The following PDXDC1 variants were observed in gnomAD, a reference collection of about 807,000 sequenced individuals.
PDXDC1 encodes pyridoxal dependent decarboxylase domain containing 1.
Under a neutral mutation model 100.1 loss-of-function variants are expected in PDXDC1, and 42 were observed. The ratio of observed to expected loss-of-function variants is 0.42; its 90% CI spans 0.33 to 0.54. The LOEUF (loss-of-function observed/expected upper bound fraction) is 0.54. Ranked by LOEUF, PDXDC1 falls within the 20% of genes least tolerant of loss-of-function variation. The pLI is 0.10. For missense variants in PDXDC1, 636 were observed against 979.2 expected, an observed-to-expected ratio of 0.65 and a Z score of 4.68; for synonymous variants, 260 against 371.7, an observed-to-expected ratio of 0.70 and a Z score of 3.46.
Position 15,078,864 on chromosome 16 carries a change from C to T in PDXDC1, c.1399+48808C>T, listed in dbSNP as rs533319366. Reference sequence around the variant, plus strand: ...TCTTGCTCTGTCACCCAGGCTGGAGCGGAGTGGCGCAATCTCGGCTCACTG... The same window carrying T: ...TCTTGCTCTGTCACCCAGGCTGGAGTGGAGTGGCGCAATCTCGGCTCACTG... On this transcript the variant is annotated intron_variant, in intron 16 of 16. Coordinates refer to the PDXDC1 transcript ENST00000535621. Among the ~76,000 whole-genome samples, 13 of 147,038 alleles carry T rather than the reference C, an allele frequency of 8.8e-5. No homozygotes were observed. The East Asian group carries it at 1.0e-3, about 11-fold the overall frequency.
At chr16:15,014,714 T>C (rs559650083) in intron 8 of PDXDC1, among the ~76,000 whole-genome samples, 14 of 152,404 alleles carry the variant, frequency 9.2e-5, no homozygotes, top group African/African-American at 3.1e-4. Flanking sequence ...GAAATCTTTT[T>C]AGTTGGCTTA....
intron 16 of PDXDC1, chr16:15,061,917 T>C: frequency 6.2e-7 from 1 of 1,601,914 alleles, no homozygotes; most frequent in African/African-American, 1.3e-5. Context: ...TGCAGAAACA[T>C]CAGAAATCAT....
intron 17 of PDXDC1, 35 bp from the exon 18 acceptor site, chr16:15,032,826 T>C: frequency 8.6e-7 from 1 of 1,160,292 alleles, no homozygotes; most frequent in Non-Finnish European, 1.3e-6. Flanking sequence ...ATTTGATCTT[T>C]TAAGCTGAAA....
the PDXDC1 span, among the ~76,000 whole-genome samples, chr16:15,144,390 A>G: frequency 8.5e-5 from 13 of 152,188 alleles, no homozygotes; most frequent in Non-Finnish European, 1.3e-4. Flanking sequence ...CTCATTTGAA[A>G]AAAAACAGTG....
At chr16:15,146,924 G>A in the PDXDC1 span, among the ~76,000 whole-genome samples, 2 of 152,096 alleles carry the variant, frequency 1.3e-5, no homozygotes, top group South Asian at 2.1e-4. Context: ...AACTGAGGCT[G>A]AGAGACTGGA....
chr16:15,087,357 G>A (rs536225477), intron 16 of PDXDC1, among the ~76,000 whole-genome samples: 22 of 152,234 alleles, frequency 1.4e-4, no homozygotes, highest in African/African-American at 5.1e-4. Context: ...TTGCTGTTCA[G>A]GAAGCTGAGG....
intron 16 of PDXDC1, among the ~76,000 whole-genome samples, chr16:15,101,835 C>T (rs1411195602): frequency 9.3e-5 from 14 of 150,762 alleles, no homozygotes; most frequent in South Asian, 2.1e-4. Context: ...GCCATCATGG[C>T]GAGTTAATTT....
At chr16:14,996,956 C>T (rs1972110180) in intron 1 of PDXDC1, among the ~76,000 whole-genome samples, 1 of 152,260 alleles carries the variant, frequency 6.6e-6, no homozygotes, top group South Asian at 2.1e-4. Context: ...TTACCAAAGA[C>T]CAAGTTGTCC....
At chr16:15,099,816 T>C (rs2151845058) in intron 16 of PDXDC1, among the ~76,000 whole-genome samples, 1 of 152,310 alleles carries the variant, frequency 6.6e-6, no homozygotes, top group Non-Finnish European at 1.5e-5. Flanking sequence ...TTTACTATCA[T>C]CATATACCCA....
chr16:15,035,388 G>T (rs369282945), intron 21 of PDXDC1, 61 bp from the exon 22 acceptor site: 22 of 852,508 alleles, frequency 2.6e-5, no homozygotes, highest in Non-Finnish European at 3.6e-5. Flanking sequence ...GTGAGGGCAG[G>T]TGGTGTCTTC....
chr16:15,147,877 G>A, the PDXDC1 span, among the ~76,000 whole-genome samples: 4 of 151,954 alleles, frequency 2.6e-5, no homozygotes, highest in Non-Finnish European at 5.9e-5. Context: ...TTAGTAGAAC[G>A]GGTTTCACCA....
intron 16 of PDXDC1, chr16:15,131,634 C>A: frequency 6.3e-7 from 1 of 1,587,152 alleles, no homozygotes; most frequent in South Asian, 1.1e-5. Context: ...CCACCATCCG[C>A]GATGGTGACT....
At chr16:15,012,592 C>G (rs1597489251) in intron 8 of PDXDC1, among the ~76,000 whole-genome samples, 1 of 152,294 alleles carries the variant, frequency 6.6e-6, no homozygotes, top group Non-Finnish European at 1.5e-5. Flanking sequence ...CACTTGTAAT[C>G]CCAACACTTG....
intron 16 of PDXDC1, among the ~76,000 whole-genome samples, chr16:15,123,993 C>T (rs2047566446): frequency 6.6e-6 from 1 of 151,866 alleles, no homozygotes; most frequent in Non-Finnish European, 1.5e-5. Flanking sequence ...CATCTTACTG[C>T]CCGTGTGTGT....
At chr16:15,019,453 T>A (rs913857128) in intron 12 of PDXDC1, among the ~76,000 whole-genome samples, 2 of 152,298 alleles carry the variant, frequency 1.3e-5, no homozygotes, top group Non-Finnish European at 2.9e-5. Context: ...GTGAAAAATA[T>A]ATAATTATGC....
At chr16:15,050,861 T>C (rs941087404) in intron 16 of PDXDC1, among the ~76,000 whole-genome samples, 2 of 152,274 alleles carry the variant, frequency 1.3e-5, no homozygotes, top group Middle Eastern at 3.4e-3. Context: ...TCAATGAAAA[T>C]GAGACAAGCC....
At chr16:14,993,345 A>G (rs984405404) in intron 1 of PDXDC1, among the ~76,000 whole-genome samples, 4 of 131,918 alleles carry the variant, frequency 3.0e-5, no homozygotes, top group Non-Finnish European at 4.6e-5. Flanking sequence ...TCCTGTGTCC[A>G]TGTATTCTCA....
chr16:15,030,385 G>C (rs4985125), intron 16 of PDXDC1, among the ~76,000 whole-genome samples: 4 of 116,254 alleles, frequency 3.4e-5, no homozygotes, highest in African/African-American at 1.3e-4. Flanking sequence ...CCCCTACTAA[G>C]AATACAAAAA....
At chr16:15,010,978 CTAAG>C (rs527793162) in intron 8 of PDXDC1, among the ~76,000 whole-genome samples, 174 of 152,346 alleles carry the variant, frequency 1.1e-3, no homozygotes, top group African/African-American at 4.1e-3. Context: ...GGTTGGAAGA[CTAAG>C]TATTAAGTCA....
Sources: allele counts gnomAD v4.1 joint callset (sites outside exome capture counted in the v4.1 genomes callset), GRCh38; gene constraint gnomAD v4.1.1; transcripts MANE v1.5; gene names NCBI Gene and HGNC (gene_info 2026-07-23, HGNC 2026-07-21).